Variants in PARVB observed in about 807,000 individuals in gnomAD.
PARVB encodes the protein beta-parvin.
PARVB carries 46 observed loss-of-function variants against 47.0 expected under a neutral mutation model. The observed-to-expected ratio is 0.98, with a 90% confidence interval of 0.77 to 1.25. PARVB has a LOEUF of 1.25. PARVB is among the 50% of genes most tolerant of loss of function. PARVB has a pLI of 0.00. For synonymous variants in PARVB, 196 were observed against 196.3 expected (o/e 1.00, Z 0.01); for missense variants, 473 against 471.6 (o/e 1.00, Z -0.03).
chr22:44,041,129 G>A (rs1182102962), intron 1 of PARVB, among the ~76,000 whole-genome samples: 2 of 152,210 alleles, frequency 1.3e-5, no homozygotes. Flanking sequence ...ATGGACGGAT[G>A]TGGAATAAAA....
upstream of PARVB, among the ~76,000 whole-genome samples, chr22:44,020,558 C>T (rs556725174): frequency 6.6e-6 from 1 of 152,258 alleles, no homozygotes; most frequent in South Asian, 2.1e-4. Context: ...GATTCTTACC[C>T]CCCTCAGGTT....
At chr22:44,067,901 C>T (rs937504248) in intron 1 of PARVB, among the ~76,000 whole-genome samples, 29 of 152,158 alleles carry the variant, frequency 1.9e-4, no homozygotes, top group African/African-American at 6.0e-4. Context: ...TGGTTTGTGC[C>T]GTGGGAGTGG....
chr22:44,121,343 C>T (rs1164255434), intron 4 of PARVB, among the ~76,000 whole-genome samples: 1 of 152,130 alleles, frequency 6.6e-6, no homozygotes, highest in Admixed American at 6.5e-5. Flanking sequence ...GGGGCAGACT[C>T]TGGGACTTTG....
intron 1 of PARVB, chr22:44,026,398 G>A (rs2050729772): frequency 2.1e-6 from 2 of 975,204 alleles, no homozygotes. Flanking sequence ...GCCCTGCCTC[G>A]GTTCTCAGGG....
At chr22:44,036,257 AAAAAT>A (rs1437792461) in intron 1 of PARVB, among the ~76,000 whole-genome samples, 4 of 152,194 alleles carry the variant, frequency 2.6e-5, no homozygotes, top group African/African-American at 7.2e-5. Flanking sequence ...ACTGTCTCAA[AAAAAT>A]AAAATAAATA....
chr22:44,131,441 C>T, intron 4 of PARVB, 46 bp from the exon 5 acceptor site: 1 of 1,602,332 alleles, frequency 6.2e-7, no homozygotes, highest in Non-Finnish European at 8.5e-7. Flanking sequence ...TGCGCCTGGC[C>T]CTTCCAGCTT....
intron 1 of PARVB, among the ~76,000 whole-genome samples, chr22:44,032,139 A>G: frequency 6.6e-6 from 1 of 152,246 alleles, no homozygotes; most frequent in African/African-American, 2.4e-5. Flanking sequence ...GAAGGCGGAC[A>G]CAATGCAATC....
In PARVB at chr22:44,013,760, G is replaced by A. The variant is rs150116621; in HGVS notation, c.211+14087G>A. ...CGATTCTCCTGCCTCAGCCTCCTGA[G>A]TAGCTGGGATTACAGGTGCCCGCCA... On this transcript the variant is annotated intron_variant, in intron 2 of 13. Coordinates refer to the PARVB transcript ENST00000406477. 2.3e-4 allele frequency among the ~76,000 whole-genome samples: 35 copies of A among 152,226 alleles called. No individual in the cohort carries two copies. The East Asian group carries it at 4.8e-3, about 21-fold the overall frequency.
chr22:44,090,584 A>G (rs910463237), intron 1 of PARVB, among the ~76,000 whole-genome samples: 7 of 152,196 alleles, frequency 4.6e-5, no homozygotes, highest in Non-Finnish European at 8.8e-5. Context: ...GCTGCCTCGA[A>G]GCGTTGACCA....
intron 3 of PARVB, among the ~76,000 whole-genome samples, chr22:44,100,949 A>G (rs2052428965): frequency 1.3e-5 from 2 of 152,316 alleles, no homozygotes; most frequent in East Asian, 1.9e-4. Context: ...GAAAATGCCG[A>G]TGGTGACAGT....
upstream of PARVB, among the ~76,000 whole-genome samples, chr22:44,021,945 A>G (rs1302016623): frequency 6.6e-6 from 1 of 152,106 alleles, no homozygotes; most frequent in Non-Finnish European, 1.5e-5. Flanking sequence ...CAGCCTCCAA[A>G]TGGAAATGAA....
chr22:44,131,993 T>C (rs2053337590), intron 5 of PARVB, among the ~76,000 whole-genome samples: 1 of 152,204 alleles, frequency 6.6e-6, no homozygotes, highest in South Asian at 2.1e-4. Context: ...TAGTGGGCTG[T>C]TTGTCTATGA....
chr22:44,131,508 T>A lies in PARVB; in HGVS notation c.398T>A (p.Leu133Gln), dbSNP rs1381193873. Residue 133 changes from leucine (L) to glutamine (Q), a missense_variant, in exon 5 of 13, where the codon CTG becomes CAG. Leu to Gln is a moderately radical substitution (Grantham distance 113). Coordinates refer to ENST00000338758, the MANE Select transcript of PARVB (RefSeq NM_013327.5). ...KLLEKLAGCK[L>Q]NVAEVTQSEI... ...GCAGAAAAACTGGCAGGGTGCAAGC[T>A]GAATGTGGCTGAGGTGACACAGTCC... 2 of 1,613,974 alleles carry A rather than the reference T, an allele frequency of 1.2e-6. No homozygotes were observed. Among genetic ancestry groups the A allele is most frequent in the Admixed American group, 3.3e-5 (2 of 59,982 alleles).
At chr22:44,023,572 TAAA>T (rs2050680549), upstream of PARVB, among the ~76,000 whole-genome samples, 2 of 146,276 alleles carry the variant, frequency 1.4e-5, no homozygotes, top group African/African-American at 5.3e-5. Context: ...TAAAATAAAA[TAAA>T]ATAAAATAAA....
At chr22:44,046,574 C>T (rs1180484861) in intron 1 of PARVB, among the ~76,000 whole-genome samples, 1 of 152,242 alleles carries the variant, frequency 6.6e-6, no homozygotes, top group East Asian at 1.9e-4. Flanking sequence ...CTGGGTCTGG[C>T]ACAGAGAACA....
chr22:44,165,678 G>A (rs1241304230), intron 12 of PARVB, among the ~76,000 whole-genome samples: 1 of 152,240 alleles, frequency 6.6e-6, no homozygotes, highest in Non-Finnish European at 1.5e-5. Context: ...CGCTGGATGG[G>A]GGGCGGATGT....
intron 2 of PARVB, among the ~76,000 whole-genome samples, chr22:44,003,071 T>C (rs73178450): frequency 0.039 from 5,903 of 152,058 alleles, 140 homozygotes; most frequent in African/African-American, 0.055. Flanking sequence ...TCCCCGTACT[T>C]CCCCCGTGCT....
At chr22:44,065,355 C>G (rs1456812139) in intron 1 of PARVB, among the ~76,000 whole-genome samples, 2 of 152,080 alleles carry the variant, frequency 1.3e-5, no homozygotes, top group Non-Finnish European at 2.9e-5. Context: ...GGCTGGGTCT[C>G]TATGTTGCCC....
At chr22:44,131,691 T>G in intron 5 of PARVB, 64 bp downstream of exon 5, 1 of 1,500,170 alleles carries the variant, frequency 6.7e-7, no homozygotes, top group Non-Finnish European at 8.9e-7. Flanking sequence ...ACATTCGTCA[T>G]CCACATTTGT....
Sources: gnomAD v4.1 joint callset for allele counts (sites outside exome capture counted in the v4.1 genomes callset) on GRCh38, gnomAD v4.1.1 for gene constraint, MANE v1.5 for transcripts, NCBI Gene and HGNC (gene_info 2026-07-23, HGNC 2026-07-21) for gene names.